Variants in PRKCE observed in about 807,000 individuals in gnomAD.
PRKCE encodes protein kinase C epsilon type.
PRKCE carries 16 observed loss-of-function variants against 85.4 expected under a neutral mutation model. The ratio of observed to expected loss-of-function variants is 0.19; its 90% CI spans 0.13 to 0.28. The LOEUF is 0.28. Ranked by LOEUF, PRKCE falls within the 10% of genes least tolerant of loss-of-function variation. PRKCE has a pLI of 1.00. For missense variants in PRKCE, 573 were observed against 975.2 expected (o/e 0.59, Z 5.49); for synonymous variants, 388 against 371.5 (o/e 1.04, Z -0.51).
intron 1 of PRKCE, among the ~76,000 whole-genome samples, chr2:45,772,054 A>T (rs905826288): frequency 6.6e-6 from 1 of 152,130 alleles, no homozygotes; most frequent in African/African-American, 2.4e-5. Flanking sequence ...GATTGTTCCC[A>T]TTTGACAGCA....
chr2:45,736,622 C>T (rs139026435), intron 1 of PRKCE, among the ~76,000 whole-genome samples: 3,393 of 152,320 alleles, frequency 0.022, 79 homozygotes, highest in Middle Eastern at 0.034. Flanking sequence ...AAACTCCTCT[C>T]ACTTTCTACC....
intron 1 of PRKCE, among the ~76,000 whole-genome samples, chr2:45,694,526 G>T (rs1254402571): frequency 1.3e-5 from 2 of 152,218 alleles, no homozygotes; most frequent in African/African-American, 4.8e-5. Flanking sequence ...TGGAACTTAT[G>T]TGGGACTAAC....
At chr2:46,113,600 G>A (rs772379352) in intron 11 of PRKCE, among the ~76,000 whole-genome samples, 65 of 152,326 alleles carry the variant, frequency 4.3e-4, no homozygotes, top group Admixed American at 3.5e-3. Flanking sequence ...AGAATTAAGC[G>A]TTAGCAGGGA....
chr2:46,020,673 G>A (rs1481173508), intron 10 of PRKCE, among the ~76,000 whole-genome samples: 1 of 152,222 alleles, frequency 6.6e-6, no homozygotes, highest in Non-Finnish European at 1.5e-5. Flanking sequence ...AGATGTAGAG[G>A]CCTGTGATAG....
At chr2:45,999,635 G>A (rs546005871) in intron 6 of PRKCE, among the ~76,000 whole-genome samples, 2 of 152,056 alleles carry the variant, frequency 1.3e-5, no homozygotes, top group South Asian at 4.2e-4. Flanking sequence ...CTGTGGTTTG[G>A]TTTGGTGTCT....
At chr2:45,744,499 C>CT (rs59819241) in intron 1 of PRKCE, among the ~76,000 whole-genome samples, 2 of 39,564 alleles carry the variant, frequency 5.1e-5, no homozygotes, top group African/African-American at 1.5e-4. Flanking sequence ...TTCTTTCTTT[C>CT]TTTTCTTTCT....
intron 1 of PRKCE, among the ~76,000 whole-genome samples, chr2:45,823,896 G>A (rs950545348): frequency 3.3e-5 from 5 of 152,244 alleles, no homozygotes; most frequent in African/African-American, 1.2e-4. Flanking sequence ...CCAGAGGCTC[G>A]CAGCTCCTGG....
intron 10 of PRKCE, among the ~76,000 whole-genome samples, chr2:46,070,290 C>A (rs993621072): frequency 7.8e-6 from 1 of 127,770 alleles, no homozygotes; most frequent in Non-Finnish European, 2.0e-5. Flanking sequence ...CCTGTGTGGA[C>A]CCTCAATACA....
rs567548359 is a variant in PRKCE at position 45,681,629 on chromosome 2, C to G, written c.348+29181C>G. On this transcript the variant is annotated intron_variant, in intron 1 of 14. Coordinates refer to ENST00000306156, the MANE Select transcript of PRKCE (RefSeq NM_005400.3). ...AATTATATTCCTGAAATTCATCTGG[C>G]TCTGCTGATTATCTCTACCTGGGCC... Among the ~76,000 whole-genome samples, 4 of 152,306 alleles carry G rather than the reference C, an allele frequency of 2.6e-5. No individual in the cohort carries two copies. In the South Asian group the frequency reaches 6.2e-4, roughly 24 times the overall value.
At chr2:46,125,017 G>A (rs552396957) in intron 11 of PRKCE, among the ~76,000 whole-genome samples, 2 of 152,290 alleles carry the variant, frequency 1.3e-5, no homozygotes, top group South Asian at 4.1e-4. Flanking sequence ...ATGGTGTCTT[G>A]CCTTGTTCAG....
rs1384801192 is a variant in PRKCE, at chr2:45,665,925, T to C, written c.348+13477T>C. 2.0e-5 allele frequency among the ~76,000 whole-genome samples: 3 copies of C among 152,194 alleles called. No individual in the cohort carries two copies. In the East Asian group the frequency reaches 5.8e-4, roughly 29 times the overall value. On this transcript the variant is annotated intron_variant, in intron 1 of 14. Coordinates refer to ENST00000306156, the MANE Select transcript of PRKCE (RefSeq NM_005400.3). ...GGGCAGAGGAGGGAAACGTAGCCTC[T>C]TGTTAAAATAATTCCAGCCTTGGTG...
chr2:46,143,588 G>A (rs1331273915), intron 11 of PRKCE, among the ~76,000 whole-genome samples: 1 of 152,098 alleles, frequency 6.6e-6, no homozygotes, highest in Non-Finnish European at 1.5e-5. Context: ...ACTTTACCAG[G>A]ACAAGGCTAC....
intron 11 of PRKCE, among the ~76,000 whole-genome samples, chr2:46,106,516 C>CA (rs1394768301): frequency 1.3e-5 from 2 of 152,214 alleles, no homozygotes; most frequent in African/African-American, 4.8e-5. Context: ...TGTATTTTCT[C>CA]ATAGTTCTGG....
At chr2:46,135,497 G>A (rs1299912452) in intron 11 of PRKCE, among the ~76,000 whole-genome samples, 2 of 152,138 alleles carry the variant, frequency 1.3e-5, no homozygotes, top group Non-Finnish European at 2.9e-5. Flanking sequence ...GATTCACAGA[G>A]CACTTGTGGG....
intron 12 of PRKCE, among the ~76,000 whole-genome samples, chr2:46,148,412 A>C (rs1485788432): frequency 6.6e-6 from 1 of 152,216 alleles, no homozygotes; most frequent in African/African-American, 2.4e-5. Flanking sequence ...AGGGGCCTGG[A>C]GTGGGGTGGC....
At chr2:45,966,850 G>A (rs1006901521) in intron 2 of PRKCE, among the ~76,000 whole-genome samples, 2 of 152,046 alleles carry the variant, frequency 1.3e-5, no homozygotes, top group African/African-American at 2.4e-5. Flanking sequence ...AGGGAGCATC[G>A]GAGCAGGTTC....
intron 1 of PRKCE, among the ~76,000 whole-genome samples, chr2:45,829,741 C>A (rs1450370446): frequency 2.0e-5 from 3 of 152,190 alleles, no homozygotes; most frequent in Non-Finnish European, 4.4e-5. Context: ...CATATGCTCC[C>A]CACTGTCACT....
intron 1 of PRKCE, among the ~76,000 whole-genome samples, chr2:45,725,753 C>T (rs1051689041): frequency 5.9e-5 from 9 of 151,944 alleles, no homozygotes; most frequent in African/African-American, 2.2e-4. Context: ...ATCGCTTGAA[C>T]CCGGGAGGCG....
chr2:45,796,986 T>A (rs1687488428), intron 1 of PRKCE, among the ~76,000 whole-genome samples: 1 of 152,122 alleles, frequency 6.6e-6, no homozygotes, highest in Non-Finnish European at 1.5e-5. Context: ...TCATTGAGGG[T>A]TACGTAACTC....
Sources: allele counts gnomAD v4.1 joint callset (sites outside exome capture counted in the v4.1 genomes callset), GRCh38; gene constraint gnomAD v4.1.1; transcripts MANE v1.5; gene names NCBI Gene and HGNC (gene_info 2026-07-23, HGNC 2026-07-21).